LPP: variants seen among roughly 807,000 people sequenced by gnomAD.
LPP encodes the protein LIM domain containing preferred translocation partner in lipoma.
A neutral mutation model predicts 60.4 loss-of-function variants in LPP; 38 were observed. The observed-to-expected ratio is 0.63, with a 90% CI of 0.49 to 0.83. The LOEUF (loss-of-function observed/expected upper bound fraction) is 0.83, where lower values mean the gene tolerates loss of function less well. Among genes scored for constraint, LPP ranks in the 40% least tolerant of loss-of-function variants. LPP has a pLI of 0.00. For missense variants in LPP, 902 were observed against 783.6 expected (o/e 1.15, Z -1.80); for synonymous variants, 328 against 290.8 (o/e 1.13, Z -1.30).
intron 7 of LPP, among the ~76,000 whole-genome samples, chr3:188,612,103 G>C (rs897989611): frequency 1.3e-5 from 2 of 152,146 alleles, no homozygotes; most frequent in African/African-American, 2.4e-5. Flanking sequence ...TAAAATTTTT[G>C]ATATATTTGT....
intron 3 of LPP, among the ~76,000 whole-genome samples, chr3:188,387,136 C>T (rs1778509737): frequency 6.6e-6 from 1 of 152,018 alleles, no homozygotes; most frequent in Admixed American, 6.5e-5. Flanking sequence ...TTTGTCCCCT[C>T]TTCTTAAACT....
chr3:188,615,852 T>C (rs1844743983), intron 7 of LPP, among the ~76,000 whole-genome samples: 1 of 152,228 alleles, frequency 6.6e-6, no homozygotes, highest in Admixed American at 6.5e-5. Flanking sequence ...TTGAACTTTT[T>C]TTCATATGTT....
At chr3:188,822,085 A>G (rs1410253815) in intron 9 of LPP, among the ~76,000 whole-genome samples, 2 of 152,126 alleles carry the variant, frequency 1.3e-5, no homozygotes, top group South Asian at 2.1e-4. Flanking sequence ...ATGTAATAAT[A>G]TACTGTCACA....
intron 4 of LPP, among the ~76,000 whole-genome samples, chr3:188,462,295 T>A (rs145303379): frequency 1.0e-3 from 152 of 151,564 alleles, no homozygotes; most frequent in African/African-American, 3.5e-3. Flanking sequence ...AGATACTAAC[T>A]AATGTAGCTA....
chr3:188,531,488 T>G (rs1822165603), intron 6 of LPP, among the ~76,000 whole-genome samples: 1 of 152,206 alleles, frequency 6.6e-6, no homozygotes, highest in Admixed American at 6.5e-5. Flanking sequence ...AGCAATGATT[T>G]GAAGCTTGGA....
chr3:188,624,275 G>C (rs1255615663), intron 7 of LPP, among the ~76,000 whole-genome samples: 1 of 152,206 alleles, frequency 6.6e-6, no homozygotes, highest in East Asian at 1.9e-4. Context: ...GAGCTGATCA[G>C]AGAAAGGGTA....
At chr3:188,472,371 T>C (rs1579165430) in intron 4 of LPP, among the ~76,000 whole-genome samples, 1 of 152,088 alleles carries the variant, frequency 6.6e-6, no homozygotes, top group Non-Finnish European at 1.5e-5. Context: ...ACCTGTCAGC[T>C]CCAGTATTCC....
chr3:188,658,122 A>ATTTAGT (rs66658012), intron 7 of LPP, among the ~76,000 whole-genome samples: 1 of 4,194 alleles, frequency 2.4e-4, no homozygotes, highest in African/African-American at 3.8e-4. Context: ...TTCTGAAGTT[A>ATTTAGT]TTAGTTTAGT....
At chr3:188,639,944 G>C (rs1474801332) in intron 7 of LPP, among the ~76,000 whole-genome samples, 1 of 152,126 alleles carries the variant, frequency 6.6e-6, no homozygotes, top group Non-Finnish European at 1.5e-5. Context: ...TTCAACCATT[G>C]TGGAAGTCAG....
intron 9 of LPP, among the ~76,000 whole-genome samples, chr3:188,829,727 CACTTAG>C: frequency 6.6e-6 from 1 of 152,168 alleles, no homozygotes; most frequent in African/African-American, 2.4e-5. Flanking sequence ...AAAAAGTTCA[CACTTAG>C]CAGTTGAATG....
At chr3:188,508,567 A>C (rs1207353650) in intron 5 of LPP, among the ~76,000 whole-genome samples, 1 of 152,218 alleles carries the variant, frequency 6.6e-6, no homozygotes, top group African/African-American at 2.4e-5. Context: ...AATAATGCCA[A>C]CTTATAGTTG....
intron 3 of LPP, among the ~76,000 whole-genome samples, chr3:188,349,544 G>A (rs1051489848): frequency 7.9e-5 from 12 of 152,164 alleles, no homozygotes; most frequent in South Asian, 4.1e-4. Flanking sequence ...GTTACACAGC[G>A]CTGTCTCATC....
intron 6 of LPP, among the ~76,000 whole-genome samples, chr3:188,532,646 A>C (rs1822504408): frequency 6.6e-6 from 1 of 152,196 alleles, no homozygotes; most frequent in African/African-American, 2.4e-5. Flanking sequence ...AAGGAGCTCC[A>C]TTTGTGTGAA....
chr3:188,643,530 A>C (rs1360125145), intron 7 of LPP, among the ~76,000 whole-genome samples: 1 of 152,218 alleles, frequency 6.6e-6, no homozygotes, highest in Admixed American at 6.5e-5. Context: ...CTCTTACAAG[A>C]AGTGAAGTAT....
intron 1 of LPP, among the ~76,000 whole-genome samples, chr3:188,190,909 G>T (rs1333249546): frequency 6.6e-6 from 1 of 152,194 alleles, no homozygotes; most frequent in East Asian, 1.9e-4. Context: ...AAGATGAAGT[G>T]AATAAGTTTG....
intron 4 of LPP, among the ~76,000 whole-genome samples, chr3:188,476,927 C>T (rs1055910557): frequency 6.6e-6 from 1 of 152,076 alleles, no homozygotes; most frequent in Non-Finnish European, 1.5e-5. Context: ...CAAGCCTTGC[C>T]CTGATAATTA....
chr3:188,295,395 T>C (rs1054958620), intron 2 of LPP, among the ~76,000 whole-genome samples: 1 of 152,220 alleles, frequency 6.6e-6, no homozygotes, highest in African/African-American at 2.4e-5. Context: ...ATTCATCTAG[T>C]GACAAAACCA....
intron 4 of LPP, among the ~76,000 whole-genome samples, chr3:188,454,072 G>C (rs1181702291): frequency 6.6e-6 from 1 of 152,132 alleles, no homozygotes; most frequent in Non-Finnish European, 1.5e-5. Flanking sequence ...TATTTAATTT[G>C]GCTGTCATAA....
intron 8 of LPP, among the ~76,000 whole-genome samples, chr3:188,721,956 C>A (rs1716586834): frequency 6.6e-6 from 1 of 152,180 alleles, no homozygotes. Context: ...GCCTCAAACA[C>A]TTTTCATATA....
Sources: gnomAD v4.1 joint callset for allele counts (sites outside exome capture counted in the v4.1 genomes callset) on GRCh38, gnomAD v4.1.1 for gene constraint, MANE v1.5 for transcripts, NCBI Gene and HGNC (gene_info 2026-07-23, HGNC 2026-07-21) for gene names.